The following FARS2 variants were observed in gnomAD, a reference collection of about 807,000 sequenced individuals.
FARS2 encodes phenylalanyl-tRNA synthetase 2, mitochondrial.
FARS2 carries 40 observed loss-of-function variants against 46.4 expected under a neutral mutation model. That is an observed-to-expected ratio of 0.86 (90% CI 0.67 to 1.12). The LOEUF (loss-of-function observed/expected upper bound fraction) is 1.12, where lower values mean the gene tolerates loss of function less well. FARS2 is among the 50% of genes most tolerant of loss of function. The pLI, the probability that FARS2 is intolerant of heterozygous loss-of-function variation, is 0.00. For missense variants in FARS2, 513 were observed against 567.9 expected (o/e 0.90, Z 0.98); for synonymous variants, 234 against 214.9 (o/e 1.09, Z -0.78).
Position 5,324,669 on chromosome 6 carries a change from A to G in FARS2, c.-21-43881A>G, listed in dbSNP as rs190057103. On this transcript the variant is annotated intron_variant, in intron 1 of 6. Coordinates refer to ENST00000274680, the MANE Select transcript of FARS2 (RefSeq NM_006567.5). The stretch of plus-strand genomic sequence containing the variant: ...TATGAACAGTACACATACTCTAAGC[A>G]TAAATATACAATAAACTGTGTTTGA... Among the ~76,000 whole-genome samples the G allele has an allele frequency of 2.6e-5, 4 of 152,290 alleles. No individual in the cohort carries two copies. The East Asian group carries it at 5.8e-4, about 22-fold the overall frequency.
At chr6:5,402,517 A>G (rs1282845233) in intron 2 of FARS2, among the ~76,000 whole-genome samples, 1 of 152,052 alleles carries the variant, frequency 6.6e-6, no homozygotes, top group Admixed American at 6.5e-5. Context: ...TTGGTTGTGT[A>G]AAAGACTTCC....
In FARS2 at chr6:5,630,093, C is replaced by G. The variant is rs1776231628; in HGVS notation, c.1217+16773C>G. Reference sequence around the variant, plus strand: ...TTGGAACGTGTACTACTCTTGACCACTGGAGCTCCAGACATGACCCAAATG... The same window carrying G: ...TTGGAACGTGTACTACTCTTGACCAGTGGAGCTCCAGACATGACCCAAATG... On this transcript the variant is annotated intron_variant, in intron 6 of 6. Coordinates refer to ENST00000274680, the MANE Select transcript of FARS2 (RefSeq NM_006567.5). This position sits in a 1 kb window ranked among gnomAD's most constrained non-coding sequence, Gnocchi z 4.2. Among the ~76,000 whole-genome samples the G allele has an allele frequency of 6.6e-6, 1 of 152,184 alleles. No homozygotes were observed. The highest frequency in any genetic ancestry group is 2.4e-5 in the African/African-American group (1 of 41,446).
intron 6 of FARS2, among the ~76,000 whole-genome samples, chr6:5,740,434 C>T (rs573098564): frequency 2.0e-5 from 3 of 151,824 alleles, no homozygotes; most frequent in Non-Finnish European, 4.4e-5. Context: ...GTAGAGATTT[C>T]TTAAGCCTGT....
chr6:5,296,129 C>CTTTTTTTTTTTTT (rs70974187), intron 1 of FARS2, among the ~76,000 whole-genome samples: 3 of 55,040 alleles, frequency 5.5e-5, no homozygotes, highest in African/African-American at 8.9e-5. Context: ...TCATTTTGGC[C>CTTTTTTTTTTTTT]TTTTTTTTTT....
At chr6:5,682,202 A>C (rs1779069508) in intron 6 of FARS2, among the ~76,000 whole-genome samples, 1 of 152,246 alleles carries the variant, frequency 6.6e-6, no homozygotes. Context: ...TGCAGCATCA[A>C]AAAGTATTAC....
intron 5 of FARS2, among the ~76,000 whole-genome samples, chr6:5,572,056 A>T (rs982935950): frequency 2.6e-5 from 4 of 152,304 alleles, no homozygotes; most frequent in African/African-American, 9.6e-5. Flanking sequence ...CTGTTTGGAC[A>T]TGTTGTTTTC....
At chr6:5,417,651 G>C (rs1465562410) in intron 3 of FARS2, among the ~76,000 whole-genome samples, 4 of 152,100 alleles carry the variant, frequency 2.6e-5, no homozygotes, top group Non-Finnish European at 1.5e-5. Flanking sequence ...TCTTCTCTCT[G>C]AGTCGTTTTG....
chr6:5,726,278 G>T (rs1436793153), intron 6 of FARS2, among the ~76,000 whole-genome samples: 2 of 152,136 alleles, frequency 1.3e-5, no homozygotes, highest in African/African-American at 4.8e-5. Flanking sequence ...GCGTAGACTT[G>T]GGGAAGGAAT....
At chr6:5,657,686 C>T (rs1419876735) in intron 6 of FARS2, among the ~76,000 whole-genome samples, 3 of 152,128 alleles carry the variant, frequency 2.0e-5, no homozygotes, top group Non-Finnish European at 2.9e-5. Context: ...GCTGCATTAA[C>T]GGTTCTTAAA....
intron 1 of FARS2, among the ~76,000 whole-genome samples, chr6:5,278,787 G>C (rs1185645193): frequency 1.3e-5 from 2 of 152,136 alleles, no homozygotes; most frequent in Non-Finnish European, 2.9e-5. Flanking sequence ...ATACACTTCA[G>C]CTCTTCCCAG....
chr6:5,434,104 G>GAATT (rs1030245495), intron 4 of FARS2, among the ~76,000 whole-genome samples: 3 of 151,438 alleles, frequency 2.0e-5, no homozygotes, highest in East Asian at 3.9e-4. Context: ...ACATAAAAAT[G>GAATT]AATTAATTAA....
rs1331276441 is a variant in FARS2 at position 5,311,520 on chromosome 6, A to C, written c.-22+49860A>C. Among the ~76,000 whole-genome samples, 5 of 152,188 alleles carry C rather than the reference A, an allele frequency of 3.3e-5. No homozygotes were observed. The highest frequency in any genetic ancestry group is 7.3e-5 in the Non-Finnish European group (5 of 68,034). ...CCCTCTTTTTACTTCTGTGTATTAA[A>C]ACATGCATACACCTGCACGACCCTA... On this transcript the variant is annotated intron_variant, in intron 1 of 6. Coordinates refer to ENST00000274680, the MANE Select transcript of FARS2 (RefSeq NM_006567.5). This position sits in a 1 kb window ranked among gnomAD's most constrained non-coding sequence, Gnocchi z 4.1.
intron 6 of FARS2, among the ~76,000 whole-genome samples, chr6:5,745,181 A>G (rs899635203): frequency 2.6e-5 from 4 of 152,262 alleles, no homozygotes; most frequent in African/African-American, 4.8e-5. Context: ...TCTATCTCTC[A>G]TGATGCCCAA....
chr6:5,641,215 T>G (rs1385117379), intron 6 of FARS2, among the ~76,000 whole-genome samples: 2 of 152,202 alleles, frequency 1.3e-5, no homozygotes, highest in Non-Finnish European at 2.9e-5. Context: ...ACCAACTGAT[T>G]CAGTTCACCA....
chr6:5,732,635 C>T, intron 6 of FARS2, among the ~76,000 whole-genome samples: 1 of 152,126 alleles, frequency 6.6e-6, no homozygotes, highest in East Asian at 1.9e-4. Context: ...AGCACAGTGC[C>T]AAGGGGCGGA....
intron 6 of FARS2, among the ~76,000 whole-genome samples, chr6:5,742,496 CT>C (rs1369378803): frequency 6.6e-6 from 1 of 152,130 alleles, no homozygotes; most frequent in Non-Finnish European, 1.5e-5. Flanking sequence ...CTTCTAAGCC[CT>C]GACTTCAATG....
At chr6:5,651,310 G>A (rs1777349697) in intron 6 of FARS2, among the ~76,000 whole-genome samples, 2 of 152,144 alleles carry the variant, frequency 1.3e-5, no homozygotes, top group African/African-American at 4.8e-5. Context: ...CTTGAAGTAG[G>A]GCTAACACAG....
At chr6:5,450,405 G>T (rs899713066) in intron 4 of FARS2, among the ~76,000 whole-genome samples, 1 of 151,918 alleles carries the variant, frequency 6.6e-6, no homozygotes, top group Non-Finnish European at 1.5e-5. Flanking sequence ...AACTAGTTTG[G>T]TAAGGGGCCA....
intron 5 of FARS2, among the ~76,000 whole-genome samples, 151 bp from the exon 6 acceptor site, chr6:5,613,008 ATTGATTTGTC>A (rs1775271264): frequency 6.6e-6 from 1 of 152,220 alleles, no homozygotes; most frequent in South Asian, 2.1e-4. Flanking sequence ...AATTTTGAAT[ATTGATTTGTC>A]TTTTAAGTTC....
Sources: allele counts gnomAD v4.1 joint callset (sites outside exome capture counted in the v4.1 genomes callset), GRCh38; gene constraint gnomAD v4.1.1; non-coding constraint Gnocchi (gnomAD v3.1); transcripts MANE v1.5; gene names NCBI Gene and HGNC (gene_info 2026-07-23, HGNC 2026-07-21).